The following STON1 variants were observed in gnomAD, a reference collection of about 807,000 sequenced individuals.
STON1 encodes stonin-1.
STON1 carries 79 observed loss-of-function variants against 60.9 expected under a neutral mutation model. The ratio of observed to expected loss-of-function variants is 1.30; its 90% CI spans 1.08 to 1.56. The LOEUF (loss-of-function observed/expected upper bound fraction) is 1.56, where lower values mean the gene tolerates loss of function less well. Among genes scored for constraint, STON1 ranks in the 40% most tolerant of loss-of-function variants. STON1 has a pLI of 0.00. For missense variants in STON1, 1,166 were observed against 858.9 expected (o/e 1.36, Z -4.47); for synonymous variants, 363 against 306.9 (o/e 1.18, Z -1.91).
chr2:48,573,412 C>G (rs1004504882), intron 1 of STON1, among the ~76,000 whole-genome samples: 3 of 152,154 alleles, frequency 2.0e-5, no homozygotes, highest in African/African-American at 7.2e-5. Context: ...CAGCATTTTC[C>G]ACTGGATGTC....
In STON1 at chr2:48,597,140, A is replaced by C. The variant is rs907718043; in HGVS notation, c.*1838A>C. 2 of 152,266 alleles carry C rather than the reference A, an allele frequency of 1.3e-5. No individual in the cohort carries two copies. The highest frequency in any genetic ancestry group is 4.8e-5 in the African/African-American group (2 of 41,456). The allele number at this position is 152,266 out of a possible 1,614,324, so 9.4% of individuals were successfully genotyped here. On this transcript the variant is annotated 3_prime_UTR_variant, in exon 4 of 4. Transcript: ENST00000404752. ...AGTTCTGGGATTAAATGCGTGAGCC[A>C]CCATGCCCGGCCGCTATTGCTCTTT...
At chr2:48,587,837 C>G (rs1674300699) in intron 2 of STON1, among the ~76,000 whole-genome samples, 1 of 152,070 alleles carries the variant, frequency 6.6e-6, no homozygotes, top group African/African-American at 2.4e-5. Flanking sequence ...AAGAGGAGGC[C>G]CAGGGAAAAC....
At position 48,591,739 on chromosome 2, in the gene STON1, G is replaced by A; in HGVS notation, c.2017G>A (p.Val673Ile). 2 of 1,614,086 alleles carry A rather than the reference G, an allele frequency of 1.2e-6. No individual in the cohort carries two copies. Among genetic ancestry groups the A allele is most frequent in the South Asian group, 2.2e-5 (2 of 91,074 alleles). Residue 673 changes from valine (V) to isoleucine (I), a missense_variant, in exon 3 of 4, where the codon GTT becomes ATT. Coordinates refer to ENST00000404752, the MANE Select transcript of STON1 (RefSeq NM_006873.4). ...CTCTGATTGGTATCCATTTGCTACT[G>A]TTCAGTTTTCCGTGCCTGACACCTG... ...IPSDWYPFAT[V>I]QFSVPDTCAS...
chr2:48,532,398 C>T (rs1212632616), intron 1 of STON1, among the ~76,000 whole-genome samples: 1 of 145,334 alleles, frequency 6.9e-6, no homozygotes, highest in Non-Finnish European at 1.5e-5. Context: ...AATTGATAGG[C>T]AAGTGTTGTG....
At position 48,596,330 on chromosome 2, in the gene STON1, G is replaced by A. The variant is rs565596002; in HGVS notation, c.*1028G>A. On this transcript the variant is annotated 3_prime_UTR_variant, in exon 4 of 4. Transcript: ENST00000404752. ...GGTATTTTACCCAGATTTCTAAGTG[G>A]CAACATTTTTATTCTTCAGAGTCAG... The A allele has an allele frequency of 2.0e-5, 3 of 152,242 alleles. No homozygotes were observed. The highest frequency in any genetic ancestry group is 2.1e-4 in the South Asian group (1 of 4,824). The allele number at this position is 152,242 out of a possible 1,614,324, so 9.4% of individuals were successfully genotyped here. A position where few individuals can be genotyped will look rare whatever the true frequency, so the allele number is the denominator to read the frequency against.
intron 1 of STON1, among the ~76,000 whole-genome samples, chr2:48,565,128 C>A (rs1456016638): frequency 6.8e-6 from 1 of 146,972 alleles, no homozygotes; most frequent in Non-Finnish European, 1.5e-5. Flanking sequence ...TCTCTGCTCA[C>A]TGCAAGCTCC....
At chr2:48,568,668 A>G (rs1449832131) in intron 1 of STON1, among the ~76,000 whole-genome samples, 1 of 152,198 alleles carries the variant, frequency 6.6e-6, no homozygotes. Flanking sequence ...CAGTTGATGC[A>G]GTCAAGAAGG....
chr2:48,560,992 C>T (rs1042762311), intron 1 of STON1, among the ~76,000 whole-genome samples: 1 of 152,232 alleles, frequency 6.6e-6, no homozygotes. Flanking sequence ...CTCCTGGTTT[C>T]ACCTTAGCTT....
In STON1 at chr2:48,564,488, T is replaced by TCTTC. The variant is rs1672796492; in HGVS notation, c.-47-16098_-47-16095dup. 1.4e-4 allele frequency among the ~76,000 whole-genome samples: 3 copies of TCTTC among 21,258 alleles called. 1 individual carries two copies. Among genetic ancestry groups the TCTTC allele is most frequent in the South Asian group, 4.2e-3 (2 of 474 alleles). The allele number at this position is 21,258 out of a possible 152,430, so 13.9% of individuals were successfully genotyped here. ...TCTTCTTCTTCTTCTTCTTTCTTCT[T>TCTTC]CTTCTTCTTCTTCTTCTTCTTCTTC... On this transcript the variant is annotated intron_variant, in intron 1 of 3. Coordinates refer to ENST00000404752, the MANE Select transcript of STON1 (RefSeq NM_006873.4).
intron 1 of STON1, among the ~76,000 whole-genome samples, chr2:48,546,360 T>C (rs1185527503): frequency 6.6e-6 from 1 of 152,196 alleles, no homozygotes; most frequent in Non-Finnish European, 1.5e-5. Context: ...CTCTCCTGCC[T>C]CCCTGTCTTT....
intron 1 of STON1, among the ~76,000 whole-genome samples, chr2:48,564,496 T>TTCC (rs1672802851): frequency 1.4e-4 from 3 of 20,812 alleles, no homozygotes; most frequent in Non-Finnish European, 2.7e-4. Flanking sequence ...CTTCTTCTTC[T>TTCC]TCTTCTTCTT....
At chr2:48,534,447 A>G (rs1031308983) in intron 1 of STON1, among the ~76,000 whole-genome samples, 1 of 152,182 alleles carries the variant, frequency 6.6e-6, no homozygotes, top group Non-Finnish European at 1.5e-5. Flanking sequence ...ACTACTGTCT[A>G]CCATCTCCCT....
intron 3 of STON1, among the ~76,000 whole-genome samples, chr2:48,592,267 A>G (rs1440641526): frequency 1.3e-5 from 2 of 152,254 alleles, no homozygotes; most frequent in African/African-American, 2.4e-5. Context: ...AAGTCCTGCA[A>G]TAAGGAAACT....
chr2:48,543,427 TA>T (rs1671739790), intron 1 of STON1, among the ~76,000 whole-genome samples: 1 of 152,136 alleles, frequency 6.6e-6, no homozygotes. Flanking sequence ...TGTTGTTACT[TA>T]AGAACCATGT....
At chr2:48,574,270 G>T (rs1414557727) in intron 1 of STON1, among the ~76,000 whole-genome samples, 1 of 152,016 alleles carries the variant, frequency 6.6e-6, no homozygotes, top group Non-Finnish European at 1.5e-5. Flanking sequence ...CAGCTACTTG[G>T]GAGGCTGAGG....
chr2:48,574,790 G>T (rs1472534453), intron 1 of STON1, among the ~76,000 whole-genome samples: 1 of 152,158 alleles, frequency 6.6e-6, no homozygotes, highest in East Asian at 1.9e-4. Context: ...AACAAGGTCT[G>T]GGTACATAGT....
Position 48,581,782 on chromosome 2 carries a change from C to A in STON1, c.1149C>A (p.Tyr383Ter). 1 of 1,613,970 alleles carries A rather than the reference C, an allele frequency of 6.2e-7. No homozygotes were observed. Among genetic ancestry groups the A allele is most frequent in the Non-Finnish European group, 8.5e-7 (1 of 1,179,914 alleles). Residue 383 changes from tyrosine to a stop codon, truncating the protein, a stop_gained, in exon 2 of 4, where the codon TAC (tyrosine) becomes TAA (stop). Transcript: ENST00000404752. LOFTEE classifies it high-confidence loss of function. ...EQMLKLGSTS[Y>*]HDFLDFLTTV... Reference sequence around the variant, plus strand: ...TGCTGAAGTTGGGGTCCACATCGTACCATGACTTCCTTGACTTTCTGACTA... The same window carrying A: ...TGCTGAAGTTGGGGTCCACATCGTAACATGACTTCCTTGACTTTCTGACTA...
chr2:48,560,780 A>G (rs2293271), intron 1 of STON1, among the ~76,000 whole-genome samples: 78,839 of 151,938 alleles, frequency 0.52, 21,127 homozygotes, highest in Non-Finnish European at 0.58. Context: ...CCAGGCCTCT[A>G]CCCCAGGCCC....
intron 1 of STON1, among the ~76,000 whole-genome samples, chr2:48,537,961 TC>T (rs1671498611): frequency 6.6e-6 from 1 of 151,830 alleles, no homozygotes; most frequent in Non-Finnish European, 1.5e-5. Context: ...TCTTTCTTTA[TC>T]TTTTTTTTTT....
Sources: gnomAD v4.1 joint callset for allele counts (sites outside exome capture counted in the v4.1 genomes callset) on GRCh38, gnomAD v4.1.1 for gene constraint, MANE v1.5 for transcripts, NCBI Gene and HGNC (gene_info 2026-07-23, HGNC 2026-07-21) for gene names.